The following SLC5A1 variants were observed in gnomAD, a reference collection of about 807,000 sequenced individuals.
SLC5A1 encodes solute carrier family 5 member 1, also known as sodium/glucose cotransporter 1.
In SLC5A1, 42 loss-of-function variants were observed where a neutral mutation model predicts 73.5. The observed-to-expected ratio is 0.57, with a 90% CI of 0.45 to 0.74. The LOEUF (loss-of-function observed/expected upper bound fraction) is 0.74, where lower values mean the gene tolerates loss of function less well. Ranked by LOEUF, SLC5A1 falls within the 30% of genes least tolerant of loss-of-function variation. The pLI is 0.00. For synonymous variants in SLC5A1, 300 were observed against 317.4 expected, an observed-to-expected ratio of 0.95 and a Z score of 0.58; for missense variants, 634 against 855.4, an observed-to-expected ratio of 0.74 and a Z score of 3.23.
chr22:32,101,035 A>C (rs981356226), intron 12 of SLC5A1, among the ~76,000 whole-genome samples: 2 of 152,210 alleles, frequency 1.3e-5, no homozygotes, highest in African/African-American at 4.8e-5. Context: ...TGAGGTTACC[A>C]GGAAGAGAAG....
At chr22:32,109,353 A>G (rs2094052073) in intron 14 of SLC5A1, among the ~76,000 whole-genome samples, 1 of 152,190 alleles carries the variant, frequency 6.6e-6, no homozygotes, top group South Asian at 2.1e-4. Context: ...GGAGGGAATC[A>G]GTTCCCTTGG....
intron 5 of SLC5A1, among the ~76,000 whole-genome samples, chr22:32,080,717 T>C (rs1194602458): frequency 6.6e-6 from 1 of 152,134 alleles, no homozygotes; most frequent in African/African-American, 2.4e-5. Flanking sequence ...AAGACTCAGC[T>C]GGGCGCAGTG....
intron 2 of SLC5A1, among the ~76,000 whole-genome samples, chr22:32,066,076 G>A (rs189560220): frequency 3.0e-4 from 46 of 152,282 alleles, no homozygotes; most frequent in Admixed American, 2.9e-3. Flanking sequence ...TGCTGACACA[G>A]TATTATGATT....
chr22:32,075,507 G>A (rs545374440), intron 5 of SLC5A1, among the ~76,000 whole-genome samples: 1 of 152,284 alleles, frequency 6.6e-6, no homozygotes, highest in East Asian at 1.9e-4. Context: ...GAGCAGAACT[G>A]GGATGAGAAG....
intron 10 of SLC5A1, among the ~76,000 whole-genome samples, chr22:32,088,642 T>C (rs1778913655): frequency 6.6e-6 from 1 of 152,118 alleles, no homozygotes. Flanking sequence ...CCCAGCCTAC[T>C]GTATTCCTTA....
Position 32,085,143 on chromosome 22 carries a change from T to A in SLC5A1, c.1021+108T>A, listed in dbSNP as rs1244099341. 10 of 1,305,226 alleles carry A rather than the reference T, an allele frequency of 7.7e-6. No homozygotes were observed. In the South Asian group the frequency reaches 8.3e-5, roughly 11 times the overall value. 80.9% of individuals were successfully genotyped at this position (1,305,226 alleles called of 1,614,324 possible). ...CCTCCTCTTTTTTTTTGAGACCAGG[T>A]CTCACTCTGTCACCCAGGCTGGAGT... On this transcript the variant is annotated intron_variant, in intron 9 of 14. Transcript: ENST00000266088.
Position 32,103,067 on chromosome 22 carries a change from C to T in SLC5A1, c.1665+830C>T, listed in dbSNP as rs191986973. ...GGTATCTCTTTGATATACTGGTTTA[C>T]TTTCTTTTGAATATATATCCAGTAG... On this transcript the variant is annotated intron_variant, in intron 13 of 14. Transcript: ENST00000266088. 3.9e-3 allele frequency among the ~76,000 whole-genome samples: 588 copies of T among 152,252 alleles called. 1 individual carries two copies. The highest frequency in any genetic ancestry group is 6.5e-3 in the Non-Finnish European group (445 of 68,020).
rs2094005569 is a variant in SLC5A1, at chr22:32,084,885, G to A, written c.886-15G>A. ...TCTGGTCTGCACACCTCCCTTACTG[G>A]GCTTTTTCTGGCAGGTCATTGTGCA... is the stretch of plus-strand genomic sequence containing the variant. On this transcript the variant is annotated splice_polypyrimidine_tract_variant and intron_variant, in intron 8 of 14. Transcript: ENST00000266088. 7 of 1,613,806 alleles carry A rather than the reference G, an allele frequency of 4.3e-6. No individual in the cohort carries two copies. The Admixed American group carries it at 8.3e-5, about 19-fold the overall frequency.
intron 2 of SLC5A1, among the ~76,000 whole-genome samples, chr22:32,052,417 A>G (rs1454970684): frequency 6.6e-6 from 1 of 152,242 alleles, no homozygotes; most frequent in Non-Finnish European, 1.5e-5. Context: ...TGATGTCACC[A>G]GAGGGGCCAA....
intron 2 of SLC5A1, among the ~76,000 whole-genome samples, chr22:32,056,477 A>G (rs529786040): frequency 7.3e-6 from 1 of 136,222 alleles, no homozygotes; most frequent in African/African-American, 2.7e-5. Flanking sequence ...TGTCCCATGC[A>G]ATATTCGGGA....
intron 9 of SLC5A1, among the ~76,000 whole-genome samples, chr22:32,085,295 AT>A (rs915243328): frequency 2.5e-4 from 36 of 146,144 alleles, no homozygotes; most frequent in East Asian, 8.0e-4. Flanking sequence ...CTAATTTTTA[AT>A]TTTTTTTTTT....
chr22:32,068,976 A>C (rs1261855783), intron 5 of SLC5A1, among the ~76,000 whole-genome samples: 2 of 152,212 alleles, frequency 1.3e-5, no homozygotes, highest in Admixed American at 1.3e-4. Context: ...TGTTCATTGT[A>C]GCACTATTCA....
intron 10 of SLC5A1, among the ~76,000 whole-genome samples, chr22:32,091,314 C>T (rs536688186): frequency 1.5e-5 from 2 of 129,210 alleles, no homozygotes; most frequent in Non-Finnish European, 3.4e-5. Flanking sequence ...CACACACACA[C>T]ACACACACAC....
At chr22:32,091,792 G>A (rs763603947) in intron 11 of SLC5A1, 30 bp downstream of exon 11, 3 of 1,612,404 alleles carry the variant, frequency 1.9e-6, no homozygotes, top group Non-Finnish European at 2.5e-6. Context: ...AGCCACAAAA[G>A]CTTGAATGAT....
At chr22:32,091,874 T>C (rs2094018497) in intron 11 of SLC5A1, 112 bp downstream of exon 11, 1 of 1,015,772 alleles carries the variant, frequency 9.8e-7, no homozygotes, top group Admixed American at 1.8e-5. Context: ...ATGGGAATAA[T>C]TTCTGTGGCT....
At position 32,066,186 on chromosome 22, in the gene SLC5A1, G is replaced by A. The variant is rs1603114677; in HGVS notation, c.208-749G>A. Among the ~76,000 whole-genome samples, 3 of 151,912 alleles carry A rather than the reference G, an allele frequency of 2.0e-5. No homozygotes were observed. In the East Asian group the frequency reaches 5.8e-4, roughly 29 times the overall value. ...TTCCCCTTCCAGTCTTCCACTCTTG[G>A]GTATTTGATACATGTGCTTCCAATC... On this transcript the variant is annotated intron_variant, in intron 2 of 14. Transcript: ENST00000266088.
In SLC5A1 at chr22:32,110,100, A is replaced by G. The variant is rs1459303611; in HGVS notation, c.1882A>G (p.Met628Val). ...GATGACTGAGGAAGAGGAGAAAGCCATGAAGATGAAGATGACGGACACCTC... is the reference window on the plus strand; with the variant it reads ...GATGACTGAGGAAGAGGAGAAAGCCGTGAAGATGAAGATGACGGACACCTC... ...PKMTEEEEKA[M>V]KMKMTDTSEK... The change falls in exon 15 of 15, where the codon ATG becomes GTG. Residue 628 changes from methionine to valine, a missense_variant. By Grantham distance (21) the Met-to-Val change is conservative (BLOSUM62 1). Transcript: ENST00000266088. The G allele has an allele frequency of 3.1e-6, 5 of 1,614,144 alleles. No homozygotes were observed. The highest frequency in any genetic ancestry group is 1.3e-5 in the African/African-American group (1 of 75,066).
intron 11 of SLC5A1, among the ~76,000 whole-genome samples, chr22:32,092,484 T>G (rs7286193): frequency 0.029 from 4,481 of 152,332 alleles, 96 homozygotes; most frequent in Non-Finnish European, 0.04. Context: ...GATTGCTGGA[T>G]CAAATGGTAG....
At chr22:32,098,589 G>A (rs1052203732) in intron 11 of SLC5A1, among the ~76,000 whole-genome samples, 5 of 152,152 alleles carry the variant, frequency 3.3e-5, no homozygotes, top group Non-Finnish European at 5.9e-5. Context: ...TTCTCTTATG[G>A]TGGTGAGTGG....
Sources: gnomAD v4.1 joint callset for allele counts (sites outside exome capture counted in the v4.1 genomes callset) on GRCh38, gnomAD v4.1.1 for gene constraint, MANE v1.5 for transcripts, NCBI Gene and HGNC (gene_info 2026-07-23, HGNC 2026-07-21) for gene names.